Variants in NKIRAS1 observed in about 807,000 individuals in gnomAD.
NKIRAS1 encodes the protein NF-kappa-B inhibitor-interacting Ras-like protein 1.
Under a neutral mutation model 19.8 loss-of-function variants are expected in NKIRAS1, and 16 were observed. The observed-to-expected ratio is 0.81, with a 90% CI of 0.55 to 1.23. NKIRAS1 has a LOEUF of 1.23. Among genes scored for constraint, NKIRAS1 ranks in the 50% most tolerant of loss-of-function variants. NKIRAS1 has a pLI of 0.00. For missense variants in NKIRAS1, 184 were observed against 220.0 expected, an observed-to-expected ratio of 0.84 and a Z score of 1.04; for synonymous variants, 88 against 79.0, an observed-to-expected ratio of 1.11 and a Z score of -0.61.
intron 1 of NKIRAS1, among the ~76,000 whole-genome samples, chr3:23,937,407 A>T (rs2125269764): frequency 6.6e-6 from 1 of 152,324 alleles, no homozygotes; most frequent in South Asian, 2.1e-4. Flanking sequence ...AACTCATGCT[A>T]GGAGAGATTG....
intron 1 of NKIRAS1, among the ~76,000 whole-genome samples, chr3:23,929,990 G>A (rs1292649991): frequency 6.6e-6 from 1 of 152,010 alleles, no homozygotes; most frequent in African/African-American, 2.4e-5. Context: ...ATAAGTAATT[G>A]GTGGAATGGA....
chr3:23,902,082 A>G (rs554521487), intron 3 of NKIRAS1, among the ~76,000 whole-genome samples: 16 of 152,334 alleles, frequency 1.1e-4, no homozygotes, highest in African/African-American at 3.4e-4. Flanking sequence ...TCAAAAAATA[A>G]TAATAAAAAA....
intron 1 of NKIRAS1, among the ~76,000 whole-genome samples, chr3:23,914,444 A>G (rs1270166562): frequency 6.6e-6 from 1 of 152,216 alleles, no homozygotes; most frequent in Non-Finnish European, 1.5e-5. Context: ...TACACTGTGT[A>G]TTTACTTATG....
intron 1 of NKIRAS1, among the ~76,000 whole-genome samples, chr3:23,914,474 G>A (rs541876309): frequency 9.2e-5 from 14 of 152,164 alleles, no homozygotes; most frequent in Non-Finnish European, 1.5e-4. Context: ...TGTATAGTGT[G>A]GAATACTTTC....
At chr3:23,941,348 T>C (rs1426866333) in intron 1 of NKIRAS1, among the ~76,000 whole-genome samples, 1 of 152,244 alleles carries the variant, frequency 6.6e-6, no homozygotes, top group Non-Finnish European at 1.5e-5. Flanking sequence ...CCTTTATTCA[T>C]ATCTAGATGG....
At chr3:23,911,765 C>CTT (rs535208116) in intron 1 of NKIRAS1, among the ~76,000 whole-genome samples, 118 of 138,136 alleles carry the variant, frequency 8.5e-4, no homozygotes, top group South Asian at 7.4e-3. Context: ...GTCACGTGGG[C>CTT]TTTTTTTTTT....
In NKIRAS1 at chr3:23,893,084, A is replaced by C. The variant is rs769956830; in HGVS notation, c.*11T>G. 9.7e-6 allele frequency: 15 copies of C among 1,539,078 alleles called. No homozygotes were observed. The South Asian group carries it at 1.8e-4, about 19-fold the overall frequency. On this transcript the variant is annotated 3_prime_UTR_variant, in exon 5 of 5. Coordinates refer to ENST00000425478, the MANE Select transcript of NKIRAS1 (RefSeq NM_020345.4). ...CACTATTCAACATACAATTGTGGAAATTACTGATTTTTAGTTCTCAGAATT... is the reference window on the plus strand; with the variant it reads ...CACTATTCAACATACAATTGTGGAACTTACTGATTTTTAGTTCTCAGAATT...
At chr3:23,942,798 G>C (rs1705530394) in intron 1 of NKIRAS1, among the ~76,000 whole-genome samples, 1 of 152,102 alleles carries the variant, frequency 6.6e-6, no homozygotes, top group Non-Finnish European at 1.5e-5. Flanking sequence ...ACCCAGACTG[G>C]AATGCACTGG....
At chr3:23,901,743 A>C (rs959216143) in intron 3 of NKIRAS1, among the ~76,000 whole-genome samples, 3 of 152,220 alleles carry the variant, frequency 2.0e-5, no homozygotes, top group Admixed American at 2.0e-4. Context: ...ACATGTGATA[A>C]GACAGGTAAG....
exon 1 of NKIRAS1, chr3:23,946,437 G>C (rs1346057193): frequency 5.8e-6 from 2 of 347,360 alleles, no homozygotes; most frequent in Non-Finnish European, 8.1e-6. Context: ...GCTCTGAGGT[G>C]CTTCGATCCC....
upstream of NKIRAS1, chr3:23,917,006 C>G (rs534173440): frequency 2.6e-5 from 4 of 152,744 alleles, no homozygotes; most frequent in Middle Eastern, 3.4e-3. Flanking sequence ...CCGCGGCGCC[C>G]CACTCGGCAG....
rs1258722333 is a variant in NKIRAS1, at chr3:23,926,514, T to C, written c.-139-15064A>G. Among the ~76,000 whole-genome samples the C allele has an allele frequency of 1.3e-5, 2 of 151,210 alleles. No individual in the cohort carries two copies. The highest frequency in any genetic ancestry group is 3.0e-5 in the Non-Finnish European group (2 of 67,664). ...TTTCCTCTTCCTCTTCTTCCTCTTCTTTTTTTTTGTGTCATTCTCTAGTAG... is the reference window on the plus strand; with the variant it reads ...TTTCCTCTTCCTCTTCTTCCTCTTCCTTTTTTTTGTGTCATTCTCTAGTAG... On this transcript the variant is annotated intron_variant, in intron 1 of 4. Transcript: ENST00000421515. This position sits in a 1 kb window ranked among gnomAD's most constrained non-coding sequence, Gnocchi z 4.3.
rs77040277 is a variant in NKIRAS1, at chr3:23,890,303, C to T, written c.*2792G>A. 1.1e-3 allele frequency among the ~76,000 whole-genome samples: 167 copies of T among 152,274 alleles called. 5 individuals carry two copies. In the East Asian group the frequency reaches 0.022, roughly 20 times the overall value. ...ACTAAGATAAAGACAGACCAGTACACTAAAGCCTAAGCATTCCCTCTTCCC... is the reference window on the plus strand; with the variant it reads ...ACTAAGATAAAGACAGACCAGTACATTAAAGCCTAAGCATTCCCTCTTCCC... On this transcript the variant is annotated 3_prime_UTR_variant, in exon 5 of 5. Coordinates refer to ENST00000425478, the MANE Select transcript of NKIRAS1 (RefSeq NM_020345.4).
intron 1 of NKIRAS1, among the ~76,000 whole-genome samples, chr3:23,924,708 A>T (rs1196671364): frequency 6.6e-6 from 1 of 152,186 alleles, no homozygotes; most frequent in Non-Finnish European, 1.5e-5. Context: ...GGCCCTGCTC[A>T]TAAGATTCTT....
intron 1 of NKIRAS1, among the ~76,000 whole-genome samples, chr3:23,938,087 G>C (rs1179011049): frequency 6.6e-6 from 1 of 152,024 alleles, no homozygotes; most frequent in Non-Finnish European, 1.5e-5. Context: ...GGGCTTTTCT[G>C]TATCCACTTC....
At chr3:23,913,287 C>T (rs1028038114) in intron 1 of NKIRAS1, among the ~76,000 whole-genome samples, 1 of 152,084 alleles carries the variant, frequency 6.6e-6, no homozygotes, top group Non-Finnish European at 1.5e-5. Flanking sequence ...TAGCTCAAAA[C>T]ACTAGCTAAG....
At position 23,890,491 on chromosome 3, in the gene NKIRAS1, T is replaced by C. The variant is rs1701378721; in HGVS notation, c.*2604A>G. 1 of 1,606,294 alleles carries C rather than the reference T, an allele frequency of 6.2e-7. No individual in the cohort carries two copies. The highest frequency in any genetic ancestry group is 8.5e-7 in the Non-Finnish European group (1 of 1,176,904). ...TTCTTTTCCTTTCTCCAAAGTAATCTACATTCTTTTCTTCCAGCCGACCCC... is the reference window on the plus strand; with the variant it reads ...TTCTTTTCCTTTCTCCAAAGTAATCCACATTCTTTTCTTCCAGCCGACCCC... On this transcript the variant is annotated 3_prime_UTR_variant, in exon 5 of 5. Coordinates refer to ENST00000425478, the MANE Select transcript of NKIRAS1 (RefSeq NM_020345.4).
At chr3:23,946,208 G>A (rs1705698347) in intron 1 of NKIRAS1, 1 of 985,310 alleles carries the variant, frequency 1.0e-6, no homozygotes, top group African/African-American at 1.7e-5. Context: ...CCCGAAGCGG[G>A]CGCTGACACC....
chr3:23,904,756 T>G (rs1702856719), intron 3 of NKIRAS1, among the ~76,000 whole-genome samples: 1 of 152,094 alleles, frequency 6.6e-6, no homozygotes, highest in Admixed American at 6.6e-5. Context: ...CTGATAAAGT[T>G]AAAGAGACAC....
Sources: gnomAD v4.1 joint callset for allele counts (sites outside exome capture counted in the v4.1 genomes callset) on GRCh38, gnomAD v4.1.1 for gene constraint, Gnocchi (gnomAD v3.1) non-coding constraint, MANE v1.5 for transcripts, NCBI Gene and HGNC (gene_info 2026-07-23, HGNC 2026-07-21) for gene names.